ROBO1: variants seen among roughly 807,000 people sequenced by gnomAD.
ROBO1 encodes roundabout guidance receptor 1, also known as roundabout homolog 1.
ROBO1 carries 149 observed loss-of-function variants against 195.9 expected under a neutral mutation model. The observed-to-expected ratio is 0.76, with a 90% CI of 0.67 to 0.87. ROBO1 has a LOEUF of 0.87. Among genes scored for constraint, ROBO1 ranks in the 40% least tolerant of loss-of-function variants. The probability of loss-of-function intolerance (pLI) is 0.00; values close to 1 mark genes in which losing one functional copy is unlikely to be tolerated. For synonymous variants in ROBO1, 816 were observed against 733.2 expected, an observed-to-expected ratio of 1.11 and a Z score of -1.82; for missense variants, 1,933 against 2,068.3, an observed-to-expected ratio of 0.93 and a Z score of 1.27.
chr3:78,675,872 T>C (rs2107754390), intron 10 of ROBO1, among the ~76,000 whole-genome samples: 1 of 152,184 alleles, frequency 6.6e-6, no homozygotes, highest in African/African-American at 2.4e-5. Flanking sequence ...GACTGCCTCC[T>C]CAAGTGGGTC....
rs1342084765 is a variant in ROBO1 at position 78,969,252 on chromosome 3, C to T, written c.173-30325G>A. 7.9e-5 allele frequency among the ~76,000 whole-genome samples: 12 copies of T among 152,252 alleles called. No individual in the cohort carries two copies. The East Asian group carries it at 2.1e-3, about 27-fold the overall frequency. The stretch of plus-strand genomic sequence containing the variant: ...TCTGTTTCTCCAAGTCAAATGGCTG[C>T]TAAACCTATAACTACTATCAACATG... On this transcript the variant is annotated intron_variant, in intron 3 of 30. Coordinates refer to ENST00000464233, the MANE Select transcript of ROBO1 (RefSeq NM_002941.4).
intron 4 of ROBO1, among the ~76,000 whole-genome samples, chr3:78,910,171 A>G (rs2038160848): frequency 6.6e-6 from 1 of 151,850 alleles, no homozygotes; most frequent in Non-Finnish European, 1.5e-5. Context: ...GAAAATGAAT[A>G]ATCTTCAATA....
At chr3:79,691,793 A>G (rs989577114) in intron 1 of ROBO1, among the ~76,000 whole-genome samples, 2 of 151,944 alleles carry the variant, frequency 1.3e-5, no homozygotes, top group Non-Finnish European at 2.9e-5. Flanking sequence ...TCTACGTAAT[A>G]GAAGTTCAAA....
chr3:79,683,096 C>A (rs1946997343), intron 1 of ROBO1, among the ~76,000 whole-genome samples: 1 of 151,866 alleles, frequency 6.6e-6, no homozygotes, highest in South Asian at 2.1e-4. Context: ...AACATGAAAG[C>A]AAAATTTAAT....
At chr3:78,693,250 GGTTGAAGGACATGGA>G in intron 8 of ROBO1, 1 of 1,492,268 alleles carries the variant, frequency 6.7e-7, no homozygotes, top group Non-Finnish European at 9.0e-7. Context: ...GAGGCTGATT[GGTTGAAGGACATGGA>G]AGGGTATGGA....
chr3:78,617,676 G>C lies in ROBO1; in HGVS notation c.4241C>G (p.Ala1414Gly). 6.2e-7 allele frequency: 1 copy of C among 1,613,814 alleles called. No individual in the cohort carries two copies. Among genetic ancestry groups the C allele is most frequent in the Non-Finnish European group, 8.5e-7 (1 of 1,179,768 alleles). ...TTGCCGTCGTGCTACTTTCAGACCA[G>C]CATACTCTGCCGCTGCTGCGACTGC... ...AQAVAAAAEY[A>G]GLKVARRQMQ... Residue 1414 changes from alanine to glycine, a missense_variant, in exon 27 of 31, where the codon GCT becomes GGT. This residue lies in a region of ROBO1 where 1,737 missense variants were observed against 1,882.5 expected (regional missense o/e 0.92). Coordinates refer to ENST00000464233, the MANE Select transcript of ROBO1 (RefSeq NM_002941.4).
chr3:79,734,687 G>A (rs1350629068), intron 1 of ROBO1, among the ~76,000 whole-genome samples: 6 of 151,930 alleles, frequency 3.9e-5, no homozygotes, highest in Admixed American at 6.6e-5. Flanking sequence ...TGCGGAGTGC[G>A]TACAAGTCAC....
chr3:78,756,663 ATGTG>A (rs1336737242), intron 4 of ROBO1, among the ~76,000 whole-genome samples: 1 of 152,046 alleles, frequency 6.6e-6, no homozygotes, highest in African/African-American at 2.4e-5. Context: ...GCATGTGTGT[ATGTG>A]TGTGTATTTC....
intron 3 of ROBO1, among the ~76,000 whole-genome samples, chr3:78,955,014 G>C (rs187250122): frequency 1.4e-5 from 2 of 147,354 alleles, no homozygotes; most frequent in African/African-American, 2.5e-5. Flanking sequence ...TAGGTAAACT[G>C]TGTGTCATGG....
At chr3:78,668,762 T>C (rs1707885309) in intron 11 of ROBO1, among the ~76,000 whole-genome samples, 197 bp from the exon 12 acceptor site, 1 of 152,212 alleles carries the variant, frequency 6.6e-6, no homozygotes, top group Admixed American at 6.5e-5. Flanking sequence ...AAAAAGATTT[T>C]ATATGATTGT....
At chr3:79,203,807 C>T (rs1405125470) in intron 2 of ROBO1, among the ~76,000 whole-genome samples, 1 of 152,078 alleles carries the variant, frequency 6.6e-6, no homozygotes, top group African/African-American at 2.4e-5. Context: ...CCGTAGTTAC[C>T]GGAATATCAT....
intron 1 of ROBO1, among the ~76,000 whole-genome samples, chr3:79,734,412 A>G (rs1250474545): frequency 6.6e-6 from 1 of 152,196 alleles, no homozygotes; most frequent in Non-Finnish European, 1.5e-5. Context: ...TACTATCTGT[A>G]CTTTATTTGT....
intron 4 of ROBO1, among the ~76,000 whole-genome samples, chr3:78,819,361 T>C (rs1272800318): frequency 6.6e-6 from 1 of 151,896 alleles, no homozygotes; most frequent in Non-Finnish European, 1.5e-5. Context: ...AATGTTTTTG[T>C]AGTTTTTCTT....
intron 2 of ROBO1, among the ~76,000 whole-genome samples, chr3:79,241,861 G>T (rs916756031): frequency 6.6e-6 from 1 of 151,532 alleles, no homozygotes; most frequent in Admixed American, 6.6e-5. Context: ...AATCAGTCTT[G>T]ACCTCTACTC....
intron 29 of ROBO1, among the ~76,000 whole-genome samples, chr3:78,603,355 A>G (rs1306518670): frequency 1.3e-5 from 2 of 152,118 alleles, no homozygotes; most frequent in African/African-American, 2.4e-5. Flanking sequence ...ACATTCTCTC[A>G]GAGTCCTGAG....
chr3:78,714,352 T>C, intron 8 of ROBO1, 45 bp downstream of exon 8: 11 of 1,587,320 alleles, frequency 6.9e-6, no homozygotes, highest in Non-Finnish European at 9.4e-6. Context: ...AGCACTATAT[T>C]TTGTATGCTA....
At chr3:79,492,494 C>A (rs1939519065) in intron 2 of ROBO1, among the ~76,000 whole-genome samples, 1 of 147,558 alleles carries the variant, frequency 6.8e-6, no homozygotes, top group South Asian at 2.2e-4. Context: ...ATTATGAAAA[C>A]CATTTATGAG....
At chr3:78,610,529 T>A (rs1014343171) in intron 28 of ROBO1, among the ~76,000 whole-genome samples, 1 of 152,068 alleles carries the variant, frequency 6.6e-6, no homozygotes, top group African/African-American at 2.4e-5. Flanking sequence ...TAAACTTAAA[T>A]TGGATTGCGA....
intron 1 of ROBO1, among the ~76,000 whole-genome samples, chr3:79,690,718 A>G (rs1947274175): frequency 6.6e-6 from 1 of 151,988 alleles, no homozygotes. Flanking sequence ...ACTGACTGCC[A>G]GCTGTGGAGC....
Sources: gnomAD v4.1 joint callset for allele counts (sites outside exome capture counted in the v4.1 genomes callset) on GRCh38, gnomAD v4.1.1 for gene constraint, gnomAD v4.1.1 regional missense constraint, MANE v1.5 for transcripts, NCBI Gene and HGNC (gene_info 2026-07-23, HGNC 2026-07-21) for gene names.